Variants in APP observed in about 807,000 individuals in gnomAD.
APP encodes the protein amyloid-beta precursor protein.
Under a neutral mutation model 101.4 loss-of-function variants are expected in APP, and 31 were observed. That is an observed-to-expected ratio of 0.31 (90% CI 0.23 to 0.41). The LOEUF (loss-of-function observed/expected upper bound fraction) is 0.41. Among genes scored for constraint, APP ranks in the 10% least tolerant of loss-of-function variants. The pLI is 1.00. For missense variants in APP, 839 were observed against 1,003.7 expected (o/e 0.84, Z 2.22); for synonymous variants, 366 against 364.4 (o/e 1.00, Z -0.05).
intron 14 of APP, among the ~76,000 whole-genome samples, chr21:25,905,953 C>T (rs1782977): frequency 0.91 from 136,595 of 150,594 alleles, 61,323 homozygotes; most frequent in African/African-American, 0.91. Flanking sequence ...AATGAAGCCA[C>T]GGAGGTAGGT....
At chr21:26,021,796 C>T (rs753675961) in intron 6 of APP, 44 bp downstream of exon 6, 1 of 1,606,296 alleles carries the variant, frequency 6.2e-7, no homozygotes. Flanking sequence ...ATTACGCTTT[C>T]TTTTCCTTGG....
chr21:25,914,434 C>T (rs945734244), intron 13 of APP, among the ~76,000 whole-genome samples: 19 of 149,100 alleles, frequency 1.3e-4, no homozygotes, highest in African/African-American at 4.2e-4. Context: ...CCCGTGCCCC[C>T]GAATGGACTA....
rs148503974 is a variant in APP, at chr21:25,883,676, G to A, written c.2212-1905C>T. Among the ~76,000 whole-genome samples, 318 of 152,318 alleles carry A rather than the reference G, an allele frequency of 2.1e-3. 15 individuals are homozygous for A. In the East Asian group the frequency reaches 0.053, roughly 25 times the overall value. On this transcript the variant is annotated intron_variant, in intron 17 of 17. Transcript: ENST00000346798. ...CCACTGCACTCCGGCCTGGGCAACAGAGGGAGACTCTGTCTCAAAAAAAGT... is the reference window on the plus strand; with the variant it reads ...CCACTGCACTCCGGCCTGGGCAACAAAGGGAGACTCTGTCTCAAAAAAAGT...
intron 13 of APP, among the ~76,000 whole-genome samples, chr21:25,927,437 T>C (rs931135043): frequency 6.6e-6 from 1 of 152,192 alleles, no homozygotes; most frequent in African/African-American, 2.4e-5. Flanking sequence ...GGCCACATTT[T>C]CCAACTTGGG....
intron 9 of APP, 140 bp from the exon 10 acceptor site, chr21:25,976,168 C>T (rs1290769194): frequency 6.0e-6 from 4 of 662,886 alleles, no homozygotes; most frequent in Non-Finnish European, 1.1e-5. Context: ...CCCTTCCTAT[C>T]TGAAGAATAT....
chr21:25,982,496 G>A lies in APP; in HGVS notation c.1091-19C>T. ...GTAGGAACTATAAAGTAGAAGAGAA[G>A]GAGGTTTGAGAAAAAAAAGCCAACA... On this transcript the variant is annotated intron_variant, in intron 8 of 17. Coordinates refer to ENST00000346798, the MANE Select transcript of APP (RefSeq NM_000484.4). The A allele has an allele frequency of 6.2e-7, 1 of 1,612,564 alleles. No individual in the cohort carries two copies.
intron 11 of APP, among the ~76,000 whole-genome samples, chr21:25,974,685 C>T (rs761423712): frequency 7.2e-5 from 11 of 152,168 alleles, no homozygotes; most frequent in Non-Finnish European, 1.2e-4. Flanking sequence ...ATAAGGTACC[C>T]AGTCTATGGT....
chr21:26,055,277 G>C (rs374859104), intron 3 of APP, among the ~76,000 whole-genome samples: 1 of 152,040 alleles, frequency 6.6e-6, no homozygotes, highest in Non-Finnish European at 1.5e-5. Flanking sequence ...AGGAATCTCC[G>C]CCAAGAAACC....
At chr21:26,096,164 A>G in intron 2 of APP, among the ~76,000 whole-genome samples, 1 of 152,230 alleles carries the variant, frequency 6.6e-6, no homozygotes, top group Non-Finnish European at 1.5e-5. Flanking sequence ...CCACATGGAC[A>G]AACCTCCTCT....
chr21:25,926,895 C>T (rs753268179), intron 13 of APP, among the ~76,000 whole-genome samples: 18 of 148,374 alleles, frequency 1.2e-4, no homozygotes, highest in South Asian at 2.2e-4. Context: ...CCCAGCTACT[C>T]GGGAGGCTGA....
At chr21:26,060,898 C>CCAGGA (rs1044812458) in intron 3 of APP, among the ~76,000 whole-genome samples, 9 of 152,154 alleles carry the variant, frequency 5.9e-5, no homozygotes, top group Non-Finnish European at 1.3e-4. Flanking sequence ...TGAGTGACAG[C>CCAGGA]CAGGACAGGA....
At chr21:26,062,920 G>A (rs1408019671) in intron 3 of APP, among the ~76,000 whole-genome samples, 1 of 151,884 alleles carries the variant, frequency 6.6e-6, no homozygotes, top group Non-Finnish European at 1.5e-5. Context: ...ATGCTACCAT[G>A]ACCAGCAATT....
At position 26,133,687 on chromosome 21, in the gene APP, G is replaced by A. The variant is rs571711896; in HGVS notation, c.58-21541C>T. Among the ~76,000 whole-genome samples, 919 of 152,132 alleles carry A rather than the reference G, an allele frequency of 6.0e-3. 4 individuals are homozygous for A. The highest frequency in any genetic ancestry group is 8.9e-3 in the Non-Finnish European group (606 of 67,970). ...CTCGGGAGGCTGAGGCAGGAGAATCGCTTGAACCTGAGGGGCAGAGGTTGC... is the reference window on the plus strand; with the variant it reads ...CTCGGGAGGCTGAGGCAGGAGAATCACTTGAACCTGAGGGGCAGAGGTTGC... On this transcript the variant is annotated intron_variant, in intron 1 of 17. Transcript: ENST00000346798.
intron 11 of APP, among the ~76,000 whole-genome samples, chr21:25,960,989 T>C (rs1054694901): frequency 6.6e-6 from 1 of 152,098 alleles, no homozygotes; most frequent in Non-Finnish European, 1.5e-5. Context: ...CAGAAACAAA[T>C]ACTATTTTTA....
intron 5 of APP, among the ~76,000 whole-genome samples, chr21:26,031,953 G>C (rs561026204): frequency 6.6e-6 from 1 of 152,204 alleles, no homozygotes; most frequent in Non-Finnish European, 1.5e-5. Flanking sequence ...ATCTGTCCAG[G>C]AGAAGAAGCC....
chr21:25,923,779 G>T (rs2039739404), intron 13 of APP, among the ~76,000 whole-genome samples: 1 of 58,890 alleles, frequency 1.7e-5, no homozygotes, highest in Non-Finnish European at 3.1e-5. Flanking sequence ...TTACACTGTT[G>T]GTGGGACTGT....
intron 13 of APP, among the ~76,000 whole-genome samples, chr21:25,935,602 G>A (rs571012561): frequency 1.4e-4 from 21 of 152,206 alleles, no homozygotes; most frequent in African/African-American, 3.6e-4. Context: ...AACACTTTGC[G>A]AGGCCGAGGC....
chr21:26,112,453 G>A (rs1196580840), intron 1 of APP, among the ~76,000 whole-genome samples: 1 of 152,164 alleles, frequency 6.6e-6, no homozygotes, highest in African/African-American at 2.4e-5. Context: ...GAAAGGTTCT[G>A]ACAACAAAAT....
Position 26,053,268 on chromosome 21 carries a change from T to G in APP, c.436A>C (p.Thr146Pro). ...LHQERMDVCE[T>P]HLHWHTVAKE... ...GCGACGGTGTGCCAGTGAAGATGAG[T>G]TTCGCAAACATCCATCCTCTCCTGG... The change falls in exon 4 of 18, where the codon ACT becomes CCT. Residue 146 changes from threonine to proline, a missense_variant. By Grantham distance (38) the Thr-to-Pro change is conservative. Coordinates refer to ENST00000346798, the MANE Select transcript of APP (RefSeq NM_000484.4). 1 of 1,613,790 alleles carries G rather than the reference T, an allele frequency of 6.2e-7. No individual in the cohort carries two copies. Among genetic ancestry groups the G allele is most frequent in the Non-Finnish European group, 8.5e-7 (1 of 1,179,808 alleles).
Sources: gnomAD v4.1 joint callset for allele counts (sites outside exome capture counted in the v4.1 genomes callset) on GRCh38, gnomAD v4.1.1 for gene constraint, MANE v1.5 for transcripts, NCBI Gene and HGNC (gene_info 2026-07-23, HGNC 2026-07-21) for gene names.